Variants in ZNF664 observed in about 807,000 individuals in gnomAD.
ZNF664 encodes the protein zinc finger Organ of Corti 1.
In ZNF664, 10 loss-of-function variants were observed where a neutral mutation model predicts 18.2. The observed-to-expected ratio is 0.55, with a 90% confidence interval of 0.34 to 0.93. The LOEUF (loss-of-function observed/expected upper bound fraction) is 0.93. ZNF664 is among the 40% of genes least tolerant of loss of function. ZNF664 has a pLI of 0.02. For synonymous variants in ZNF664, 119 were observed against 104.2 expected (o/e 1.14, Z -0.86); for missense variants, 193 against 319.0 (o/e 0.61, Z 3.01).
rs910148018 is a variant in ZNF664 at position 124,000,060 on chromosome 12, C to T, written c.-660-11321C>T. On this transcript the variant is annotated intron_variant, in intron 3 of 4. Transcript: ENST00000337815. ...GAAGGAAGGCCCGTTTGTCCTTTGA[C>T]GATTCTCATTTGGCAAAAACTCAGT... is the stretch of plus-strand genomic sequence containing the variant. Among the ~76,000 whole-genome samples the T allele has an allele frequency of 5.3e-5, 8 of 152,330 alleles. No individual in the cohort carries two copies. The East Asian group carries it at 9.6e-4, about 18-fold the overall frequency.
chr12:123,981,751 G>A (rs553749488), intron 2 of ZNF664, among the ~76,000 whole-genome samples: 4 of 152,332 alleles, frequency 2.6e-5, no homozygotes, highest in African/African-American at 9.6e-5. Context: ...GGTGTGTCAC[G>A]AAGAGGATTT....
At chr12:123,982,102 G>A (rs972433167) in intron 2 of ZNF664, among the ~76,000 whole-genome samples, 3 of 152,162 alleles carry the variant, frequency 2.0e-5, no homozygotes, top group African/African-American at 7.2e-5. Flanking sequence ...TGACTTCTGG[G>A]AGTGATTTCT....
chr12:123,979,244 A>G (rs570760157), intron 2 of ZNF664, among the ~76,000 whole-genome samples: 13 of 152,360 alleles, frequency 8.5e-5, no homozygotes, highest in Admixed American at 2.6e-4. Flanking sequence ...AAATAGAATT[A>G]ACAAATTAGG....
intron 3 of ZNF664, among the ~76,000 whole-genome samples, chr12:124,010,397 T>G (rs994789667): frequency 2.0e-5 from 3 of 152,242 alleles, no homozygotes; most frequent in Admixed American, 2.0e-4. Context: ...ATGAAAAGAT[T>G]GCTAAAACAT....
intron 3 of ZNF664, among the ~76,000 whole-genome samples, chr12:124,001,422 C>T (rs1957010518): frequency 6.6e-6 from 1 of 152,234 alleles, no homozygotes; most frequent in Non-Finnish European, 1.5e-5. Flanking sequence ...ATCACGATGC[C>T]TAGCTTCTAC....
intron 3 of ZNF664, 42 bp downstream of exon 3, chr12:123,988,180 A>T: frequency 1.6e-6 from 2 of 1,230,624 alleles, no homozygotes; most frequent in Non-Finnish European, 2.0e-6. Flanking sequence ...TAGATGGAGA[A>T]TCCCCCTTGA....
intron 2 of ZNF664, chr12:123,974,360 C>T (rs1956655382): frequency 4.2e-6 from 1 of 235,412 alleles, no homozygotes; most frequent in Non-Finnish European, 8.1e-6. Flanking sequence ...GATTTCTGAG[C>T]TATTGCCTTC....
At chr12:124,007,314 C>T (rs925860892) in intron 3 of ZNF664, among the ~76,000 whole-genome samples, 6 of 152,134 alleles carry the variant, frequency 3.9e-5, no homozygotes, top group African/African-American at 1.4e-4. Flanking sequence ...GAACTGTTGC[C>T]CTTCTGAGCA....
rs1194449373 is a variant in ZNF664 at position 124,013,019 on chromosome 12, T to C, written c.*89T>C. ...TATACCTACATTGACCCAAGAAATA[T>C]TTACGCAATCCCTAGCAGAACATTG... On this transcript the variant is annotated 3_prime_UTR_variant, in exon 5 of 5. Transcript: ENST00000337815. 7.0e-7 allele frequency: 1 copy of C among 1,433,322 alleles called. No individual in the cohort carries two copies. The highest frequency in any genetic ancestry group is 1.4e-5 in the South Asian group (1 of 70,642). The allele number at this position is 1,433,322 out of a possible 1,614,324, so 88.8% of individuals were successfully genotyped here.
chr12:123,994,233 T>C (rs1197960419), intron 3 of ZNF664, among the ~76,000 whole-genome samples: 1 of 152,196 alleles, frequency 6.6e-6, no homozygotes, highest in Non-Finnish European at 1.5e-5. Flanking sequence ...GGGTTTAAGA[T>C]GGATTCTCAA....
chr12:123,990,797 G>A lies in ZNF664; in HGVS notation c.-661+2659G>A, dbSNP rs1956880227. Among the ~76,000 whole-genome samples the A allele has an allele frequency of 2.0e-5, 3 of 152,232 alleles. No homozygotes were observed. The South Asian group carries it at 6.2e-4, about 31-fold the overall frequency. ...CAAAGGGAAGGATAAGGAAGAGGCA[G>A]AGTGCAGGAAAGTGGGTTTTCTTAT... On this transcript the variant is annotated intron_variant, in intron 3 of 4. Coordinates refer to ENST00000337815, the MANE Select transcript of ZNF664 (RefSeq NM_152437.3).
intron 3 of ZNF664, among the ~76,000 whole-genome samples, chr12:123,994,173 A>AC (rs150091677): frequency 0.027 from 4,138 of 152,238 alleles, 177 homozygotes; most frequent in African/African-American, 0.093. Context: ...CACTACACAT[A>AC]AGTGGTCATC....
chr12:123,999,450 A>G (rs1003109799), intron 3 of ZNF664, among the ~76,000 whole-genome samples: 8 of 152,224 alleles, frequency 5.3e-5, no homozygotes, highest in Non-Finnish European at 1.2e-4. Flanking sequence ...ACCTGTACTC[A>G]TAATACTGCT....
At chr12:123,974,145 C>A (rs952373698) in intron 2 of ZNF664, 125 bp downstream of exon 2, 9 of 624,222 alleles carry the variant, frequency 1.4e-5, no homozygotes, top group East Asian at 3.5e-5. Context: ...CCGTATACCC[C>A]CTCCCAGACA....
At chr12:123,980,507 G>A (rs903416952) in intron 2 of ZNF664, among the ~76,000 whole-genome samples, 4 of 152,156 alleles carry the variant, frequency 2.6e-5, no homozygotes, top group Non-Finnish European at 5.9e-5. Context: ...CACAAAATAT[G>A]TATATTGTAG....
intron 2 of ZNF664, among the ~76,000 whole-genome samples, chr12:123,982,871 T>A (rs1328367687): frequency 2.0e-5 from 3 of 152,096 alleles, no homozygotes; most frequent in Non-Finnish European, 4.4e-5. Flanking sequence ...GAAAGTTGTG[T>A]CTACTGGGCA....
chr12:123,989,423 G>A (rs924910534), intron 3 of ZNF664: 4 of 152,154 alleles, frequency 2.6e-5, no homozygotes, highest in African/African-American at 9.7e-5. Context: ...GGTAACCTCG[G>A]CCAGTCTTTA....
In ZNF664 at chr12:124,012,215, T is replaced by C; in HGVS notation, c.71T>C (p.Ile24Thr). 1 of 1,613,880 alleles carries C rather than the reference T, an allele frequency of 6.2e-7. No individual in the cohort carries two copies. Among genetic ancestry groups the C allele is most frequent in the East Asian group, 2.2e-5 (1 of 44,860 alleles). Residue 24 changes from isoleucine to threonine, a missense_variant, in exon 5 of 5, where the codon ATT becomes ACT. Physicochemically the swap from Ile to Thr is moderately conservative, Grantham distance 89. Around this residue, in one of 3 missense-constraint regions of ZNF664, gnomAD observed 90 missense variants for 118.9 expected, o/e 0.76. Transcript: ENST00000337815. The part of the protein sequence containing the change: ...ERADLFMHQK[I>T]HTAEKPHKCD... ...GCAGATCTTTTTATGCATCAGAAAA[T>C]TCACACAGCTGAGAAGCCCCATAAA...
intron 2 of ZNF664, among the ~76,000 whole-genome samples, chr12:123,975,176 A>G (rs1412613511): frequency 6.6e-6 from 1 of 152,174 alleles, no homozygotes; most frequent in Non-Finnish European, 1.5e-5. Flanking sequence ...TGGAATGTAA[A>G]GTAGTATATA....
Sources: allele counts gnomAD v4.1 joint callset (sites outside exome capture counted in the v4.1 genomes callset), GRCh38; gene constraint gnomAD v4.1.1; regional missense constraint gnomAD v4.1.1; transcripts MANE v1.5; gene names NCBI Gene and HGNC (gene_info 2026-07-23, HGNC 2026-07-21).